POLB: variants seen among roughly 807,000 people sequenced by gnomAD.
POLB encodes 5'-dRP lyase.
A neutral mutation model predicts 52.7 loss-of-function variants in POLB; 37 were observed. The ratio of observed to expected loss-of-function variants is 0.70; its 90% CI spans 0.54 to 0.92. The LOEUF is 0.92. POLB is among the 40% of genes least tolerant of loss of function. The pLI is 0.00. For synonymous variants in POLB, 138 were observed against 131.3 expected, an observed-to-expected ratio of 1.05 and a Z score of -0.35; for missense variants, 313 against 400.8, an observed-to-expected ratio of 0.78 and a Z score of 1.87.
At chr8:42,362,070 G>T (rs1009732702) in intron 10 of POLB, among the ~76,000 whole-genome samples, 3 of 152,094 alleles carry the variant, frequency 2.0e-5, no homozygotes, top group African/African-American at 7.2e-5. Flanking sequence ...AGACCATCCT[G>T]CCCAACATGG....
intron 2 of POLB, 29 bp downstream of exon 2, chr8:42,339,098 A>G: frequency 1.9e-6 from 3 of 1,557,856 alleles, no homozygotes; most frequent in South Asian, 1.1e-5. Context: ...CTCGGGTAGC[A>G]TACGTTCTGG....
chr8:42,339,672 G>C (rs906010311), intron 2 of POLB: 1 of 151,782 alleles, frequency 6.6e-6, no homozygotes, highest in Non-Finnish European at 1.5e-5. Flanking sequence ...TCAGCCTCCT[G>C]AGTGGCTGGG....
intron 2 of POLB, chr8:42,342,647 A>G: frequency 1.7e-6 from 1 of 604,760 alleles, no homozygotes; most frequent in African/African-American, 1.8e-5. Flanking sequence ...TGTGGAACAG[A>G]GACCTGCAGG....
At chr8:42,347,454 G>A (rs1228606529) in intron 3 of POLB, among the ~76,000 whole-genome samples, 1 of 149,498 alleles carries the variant, frequency 6.7e-6, no homozygotes, top group East Asian at 2.0e-4. Flanking sequence ...AATTATTCTA[G>A]ATTATCTAAT....
intron 5 of POLB, among the ~76,000 whole-genome samples, chr8:42,351,024 G>A (rs769602789): frequency 4.6e-5 from 7 of 151,982 alleles, no homozygotes; most frequent in African/African-American, 1.2e-4. Context: ...ACAGGCTTGC[G>A]CAACCATGTG....
At chr8:42,357,461 T>A (rs1170914715) in intron 9 of POLB, 69 bp downstream of exon 9, 23 of 831,446 alleles carry the variant, frequency 2.8e-5, no homozygotes, top group Non-Finnish European at 4.4e-5. Flanking sequence ...TGGGAAGAAT[T>A]TGGATTAAAA....
intron 6 of POLB, among the ~76,000 whole-genome samples, chr8:42,354,913 C>G (rs1356073188): frequency 6.6e-6 from 1 of 152,084 alleles, no homozygotes; most frequent in Non-Finnish European, 1.5e-5. Flanking sequence ...AGTGAAAGAA[C>G]AAATAAACTA....
In POLB at chr8:42,357,340, TA is replaced by T; in HGVS notation, c.504del (p.Val169TrpfsTer27). 3 of 1,576,128 alleles carry T rather than the reference TA, an allele frequency of 1.9e-6. No homozygotes were observed. The highest frequency in any genetic ancestry group is 2.6e-6 in the Non-Finnish European group (3 of 1,145,864). On this transcript the variant is annotated frameshift_variant, in exon 9 of 14. Coordinates refer to ENST00000265421, the MANE Select transcript of POLB (RefSeq NM_002690.3). LOFTEE classifies it high-confidence loss of function. Reference sequence around the variant, plus strand: ...ATTAGGATATTGTACTAAATGAAGTTAAAAAAGTGGATTCTGAATACATTGC... The same window carrying T: ...ATTAGGATATTGTACTAAATGAAGTTAAAAAGTGGATTCTGAATACATTGC... ...QMQDIVLNEV[K>X]KVDSEYIATV... is the part of the protein sequence containing the mutation.
chr8:42,355,342 A>G, intron 6 of POLB, 174 bp from the exon 7 acceptor site: 1 of 533,006 alleles, frequency 1.9e-6, no homozygotes, highest in East Asian at 3.0e-5. Flanking sequence ...CTGGCCCTGA[A>G]GAGTCACTTT....
intron 2 of POLB, among the ~76,000 whole-genome samples, chr8:42,343,105 G>A (rs1011511504): frequency 6.6e-6 from 1 of 151,584 alleles, no homozygotes; most frequent in African/African-American, 2.4e-5. Context: ...GGCAGATCAC[G>A]AGGTCAGGAG....
At chr8:42,339,138 G>T (rs1327696402) in intron 2 of POLB, 69 bp downstream of exon 2, 1 of 1,174,358 alleles carries the variant, frequency 8.5e-7, no homozygotes, top group Non-Finnish European at 1.3e-6. Context: ...CAATTAACAG[G>T]ACTGAGGGCC....
chr8:42,365,607 A>G (rs1042483059), intron 11 of POLB, among the ~76,000 whole-genome samples: 1 of 152,230 alleles, frequency 6.6e-6, no homozygotes, highest in African/African-American at 2.4e-5. Context: ...ATCTTCCTCA[A>G]GTATCATCCC....
intron 2 of POLB, 55 bp downstream of exon 2, chr8:42,339,124 G>A: frequency 7.2e-7 from 1 of 1,385,494 alleles, no homozygotes; most frequent in Non-Finnish European, 1.0e-6. Context: ...CCTGTTTAGT[G>A]TGGCAATTAA....
chr8:42,353,985 A>C (rs550268303), intron 6 of POLB, among the ~76,000 whole-genome samples: 1 of 152,196 alleles, frequency 6.6e-6, no homozygotes, highest in Non-Finnish European at 1.5e-5. Context: ...TGAACTCTAC[A>C]TGTGCATCTC....
chr8:42,370,227 T>G (rs1824293765), intron 13 of POLB: 1 of 604,726 alleles, frequency 1.7e-6, no homozygotes, highest in Non-Finnish European at 3.1e-6. Context: ...AATCCTTGCA[T>G]GCTCAGTAAA....
At chr8:42,360,844 A>G (rs963840717) in intron 9 of POLB, among the ~76,000 whole-genome samples, 3 of 152,076 alleles carry the variant, frequency 2.0e-5, no homozygotes, top group African/African-American at 7.2e-5. Context: ...CAGCCTCTCA[A>G]AGTGCTGGGA....
At chr8:42,347,394 C>T (rs1486131031) in intron 3 of POLB, among the ~76,000 whole-genome samples, 5 of 139,426 alleles carry the variant, frequency 3.6e-5, no homozygotes, top group African/African-American at 1.1e-4. Context: ...TAGAATTACT[C>T]CTCAGTAATT....
Position 42,359,539 on chromosome 8 carries a change from T to TTTTTG in POLB, c.551-1752_551-1751insGTTTT, listed in dbSNP as rs1399329691. Among the ~76,000 whole-genome samples, 87 of 149,622 alleles carry TTTTTG rather than the reference T, an allele frequency of 5.8e-4. No homozygotes were observed. The Middle Eastern group carries it at 0.01, about 18-fold the overall frequency. ...CCGGCTAATTTTTTTTTTTTTTTTTTTTTTTGGTAGGGACATGGTTTTACT... is the reference window on the plus strand; with the variant it reads ...CCGGCTAATTTTTTTTTTTTTTTTTTTTTTGTTTTTGGTAGGGACATGGTTTTACT... On this transcript the variant is annotated intron_variant, in intron 9 of 13. Coordinates refer to ENST00000265421, the MANE Select transcript of POLB (RefSeq NM_002690.3).
At chr8:42,371,033 G>A (rs1227229679) in intron 13 of POLB, among the ~76,000 whole-genome samples, 2 of 152,208 alleles carry the variant, frequency 1.3e-5, no homozygotes, top group African/African-American at 4.8e-5. Flanking sequence ...GACTTGAGTG[G>A]CCCTAGCTGG....
Sources: gnomAD v4.1 joint callset for allele counts (sites outside exome capture counted in the v4.1 genomes callset) on GRCh38, gnomAD v4.1.1 for gene constraint, MANE v1.5 for transcripts, NCBI Gene and HGNC (gene_info 2026-07-23, HGNC 2026-07-21) for gene names.